Variants in MDGA2 observed in about 807,000 individuals in gnomAD.
MDGA2 encodes MAM domain containing glycosylphosphatidylinositol anchor 2.
MDGA2 carries 40 observed loss-of-function variants against 117.8 expected under a neutral mutation model. The observed-to-expected ratio is 0.34, with a 90% CI of 0.26 to 0.44. The LOEUF is 0.44. Ranked by LOEUF, MDGA2 falls within the 20% of genes least tolerant of loss-of-function variation. MDGA2 has a pLI of 1.00. For synonymous variants in MDGA2, 452 were observed against 439.0 expected (o/e 1.03, Z -0.37); for missense variants, 1,123 against 1,250.6 (o/e 0.90, Z 1.54).
rs200543601 is a variant in MDGA2, at chr14:47,602,689, T to C, written c.280+71828A>G. On this transcript the variant is annotated intron_variant, in intron 1 of 16. Transcript: ENST00000399232. ...TAGACTTTTTCCTTGAGGCCTCCAA[T>C]GGCAGGAAAACTTACCACCAGTTTG... 1.4e-4 allele frequency among the ~76,000 whole-genome samples: 22 copies of C among 152,252 alleles called. No homozygotes were observed. In the East Asian group the frequency reaches 4.1e-3, roughly 28 times the overall value.
rs539672120 is a variant in MDGA2, at chr14:47,187,225, T to C, written c.595+30796A>G. On this transcript the variant is annotated intron_variant, in intron 3 of 16. Coordinates refer to ENST00000399232, the MANE Select transcript of MDGA2 (RefSeq NM_001113498.3). Reference sequence around the variant, plus strand: ...GCTTCCAGGACACTAAACTTTGAATTGAATAAACCTATGTAAATCCCAGCA... The same window carrying C: ...GCTTCCAGGACACTAAACTTTGAATCGAATAAACCTATGTAAATCCCAGCA... 6.6e-5 allele frequency among the ~76,000 whole-genome samples: 10 copies of C among 152,084 alleles called. 1 individual carries two copies. The South Asian group carries it at 1.9e-3, about 28-fold the overall frequency.
intron 2 of MDGA2, among the ~76,000 whole-genome samples, chr14:47,300,623 G>T (rs1195835289): frequency 2.6e-5 from 4 of 151,776 alleles, no homozygotes; most frequent in Non-Finnish European, 5.9e-5. Flanking sequence ...CAGAGTAGCT[G>T]AGACTACGGG....
At chr14:47,480,133 A>G (rs1022679051) in intron 1 of MDGA2, among the ~76,000 whole-genome samples, 11 of 152,162 alleles carry the variant, frequency 7.2e-5, no homozygotes, top group Admixed American at 6.5e-4. Flanking sequence ...TTTTTCCTTA[A>G]TATTTATTTA....
intron 1 of MDGA2, among the ~76,000 whole-genome samples, chr14:47,664,821 A>G (rs1196285520): frequency 6.6e-6 from 1 of 152,180 alleles, no homozygotes; most frequent in Admixed American, 6.5e-5. Context: ...TTAGACTTTA[A>G]AAAGTCTTTG....
intron 1 of MDGA2, among the ~76,000 whole-genome samples, chr14:47,640,286 G>T (rs1158496931): frequency 6.6e-6 from 1 of 152,026 alleles, no homozygotes; most frequent in Non-Finnish European, 1.5e-5. Context: ...ACTTCTGAAG[G>T]TTTTTTCTTC....
chr14:46,861,020 G>C (rs1395268447), intron 14 of MDGA2, among the ~76,000 whole-genome samples: 5 of 151,470 alleles, frequency 3.3e-5, no homozygotes, highest in Non-Finnish European at 5.9e-5. Flanking sequence ...ATTCATTCTT[G>C]AATAATAAGA....
chr14:47,328,206 A>G (rs887047288), intron 1 of MDGA2, among the ~76,000 whole-genome samples: 2 of 152,162 alleles, frequency 1.3e-5, no homozygotes, highest in African/African-American at 4.8e-5. Context: ...TATCGGGCAG[A>G]GGGGGATAAA....
intron 2 of MDGA2, among the ~76,000 whole-genome samples, chr14:47,221,544 C>T (rs1468099624): frequency 6.6e-6 from 1 of 151,800 alleles, no homozygotes; most frequent in African/African-American, 2.4e-5. Context: ...AAAAATTAGC[C>T]GGGAGTGGTG....
chr14:47,401,350 T>C (rs1474445507), intron 1 of MDGA2, among the ~76,000 whole-genome samples: 8 of 152,092 alleles, frequency 5.3e-5, no homozygotes. Context: ...TTTGAAAGCT[T>C]AGAATGCCTT....
chr14:47,374,947 T>C (rs982500978), intron 1 of MDGA2, among the ~76,000 whole-genome samples: 1 of 152,074 alleles, frequency 6.6e-6, no homozygotes, highest in East Asian at 1.9e-4. Flanking sequence ...CATTTACTTA[T>C]ATTTCAAAGA....
chr14:47,307,630 A>C (rs1333444249), intron 1 of MDGA2, among the ~76,000 whole-genome samples: 1 of 151,934 alleles, frequency 6.6e-6, no homozygotes, highest in East Asian at 1.9e-4. Flanking sequence ...GCAGTGAGAC[A>C]AGATCCGAGA....
intron 3 of MDGA2, among the ~76,000 whole-genome samples, chr14:47,161,927 C>CTTTTTTTTTTTTTTTTT (rs71112489): frequency 3.8e-5 from 2 of 52,472 alleles, no homozygotes; most frequent in Non-Finnish European, 7.0e-5. Flanking sequence ...TCCCCAGATC[C>CTTTTTTTTTTTTTTTTT]TTTTTTTTTT....
chr14:47,189,700 C>T (rs1245380699), intron 3 of MDGA2, among the ~76,000 whole-genome samples: 3 of 152,046 alleles, frequency 2.0e-5, no homozygotes, highest in Admixed American at 2.0e-4. Flanking sequence ...ATCATAAAAA[C>T]AAATCTTAAA....
chr14:46,960,656 G>GTT (rs1345609058), intron 8 of MDGA2: 9 of 151,224 alleles, frequency 6.0e-5, no homozygotes, highest in East Asian at 3.9e-4. Context: ...ACATTTTTAT[G>GTT]TTATATATAT....
intron 8 of MDGA2, among the ~76,000 whole-genome samples, chr14:46,988,112 C>G (rs1886934725): frequency 6.6e-6 from 1 of 151,632 alleles, no homozygotes; most frequent in Non-Finnish European, 1.5e-5. Context: ...ATGGTACTAG[C>G]TAGCAGTGCC....
chr14:47,048,574 C>G (rs1889345728), intron 7 of MDGA2, among the ~76,000 whole-genome samples: 2 of 152,054 alleles, frequency 1.3e-5, no homozygotes, highest in African/African-American at 2.4e-5. Context: ...AATTACACCA[C>G]TGATTGTATA....
rs558579410 is a variant in MDGA2, at chr14:47,365,036, T to C, written c.281-63486A>G. On this transcript the variant is annotated intron_variant, in intron 1 of 16. Coordinates refer to ENST00000399232, the MANE Select transcript of MDGA2 (RefSeq NM_001113498.3). The stretch of plus-strand genomic sequence containing the variant: ...TAAGTCAATTTGAAGAAAACCCAAC[T>C]GTACAAAATAAAGTTCCTTTGGGGA... 3.9e-5 allele frequency among the ~76,000 whole-genome samples: 6 copies of C among 152,332 alleles called. No homozygotes were observed. In the South Asian group the frequency reaches 1.2e-3, roughly 32 times the overall value.
At chr14:46,915,789 G>A (rs1360968439) in intron 10 of MDGA2, among the ~76,000 whole-genome samples, 3 of 152,098 alleles carry the variant, frequency 2.0e-5, no homozygotes, top group Non-Finnish European at 4.4e-5. Flanking sequence ...TGGACTAGAA[G>A]AAAAATAAAC....
At chr14:47,047,531 G>C (rs1339058999) in intron 7 of MDGA2, among the ~76,000 whole-genome samples, 1 of 152,066 alleles carries the variant, frequency 6.6e-6, no homozygotes, top group Non-Finnish European at 1.5e-5. Flanking sequence ...AAGTAGGCAA[G>C]TCTGCACCTT....
Sources: gnomAD v4.1 joint callset for allele counts (sites outside exome capture counted in the v4.1 genomes callset) on GRCh38, gnomAD v4.1.1 for gene constraint, MANE v1.5 for transcripts, NCBI Gene and HGNC (gene_info 2026-07-23, HGNC 2026-07-21) for gene names.